USP50: variants seen among roughly 807,000 people sequenced by gnomAD.
The protein encoded by USP50 is ubiquitin specific peptidase 50, also known as ubiquitin carboxyl-terminal hydrolase 50.
Under a neutral mutation model 39.2 loss-of-function variants are expected in USP50, and 37 were observed. The observed-to-expected ratio is 0.94, with a 90% CI of 0.73 to 1.24. The LOEUF (loss-of-function observed/expected upper bound fraction) is 1.24. Among genes scored for constraint, USP50 ranks in the 50% most tolerant of loss-of-function variants. The pLI is 0.00. For synonymous variants in USP50, 139 were observed against 144.5 expected (o/e 0.96, Z 0.27); for missense variants, 374 against 398.2 (o/e 0.94, Z 0.52).
chr15:50,493,787 C>A, downstream of USP50: 1 of 540,720 alleles, frequency 1.8e-6, no homozygotes, highest in South Asian at 1.7e-5. Context: ...AAAGGACAGA[C>A]AGGATGAGAG....
chr15:50,494,052 C>CAACT, exon 2 of USP50: 1 of 1,593,726 alleles, frequency 6.3e-7, no homozygotes, highest in Non-Finnish European at 8.5e-7. Context: ...TCTTTTGTAA[C>CAACT]AACTTTTATT....
downstream of USP50, chr15:50,498,887 A>G (rs1190193576): frequency 1.3e-6 from 2 of 1,568,772 alleles, no homozygotes; most frequent in Non-Finnish European, 1.7e-6. Flanking sequence ...TTTTTTTTCT[A>G]TCTTGTTTGG....
At chr15:50,496,768 T>G, downstream of USP50, 1 of 194,878 alleles carries the variant, frequency 5.1e-6, no homozygotes, top group Non-Finnish European at 1.0e-5. Context: ...GTTTCTTATA[T>G]AAAAGCTTGT....
chr15:50,532,157 T>C (rs1472649725), intron 5 of USP50: 1 of 456,212 alleles, frequency 2.2e-6, no homozygotes, highest in East Asian at 6.9e-5. Flanking sequence ...GGACCACACT[T>C]TGTGAATTTT....
chr15:50,497,617 A>G (rs565162264), downstream of USP50: 2 of 153,382 alleles, frequency 1.3e-5, no homozygotes, highest in African/African-American at 2.4e-5. Context: ...AAGTATTTTA[A>G]TGATAAAATA....
At chr15:50,527,208 T>C (rs898974309) in intron 6 of USP50, among the ~76,000 whole-genome samples, 2 of 152,136 alleles carry the variant, frequency 1.3e-5, no homozygotes, top group African/African-American at 2.4e-5. Flanking sequence ...TGAGATTCTT[T>C]TTTTTCTTTT....
chr15:50,536,719 A>G lies in USP50; in HGVS notation c.803+1990T>C, dbSNP rs2052983381. ...ACATTAGCACCCTCAAAAATGAAAT[A>G]CTTAGTTATAAAATTAACAAAATAT... On this transcript the variant is annotated intron_variant, in intron 5 of 6. Coordinates refer to ENST00000532404, the MANE Select transcript of USP50 (RefSeq NM_203494.5). Among the ~76,000 whole-genome samples, 3 of 152,202 alleles carry G rather than the reference A, an allele frequency of 2.0e-5. No individual in the cohort carries two copies. In the South Asian group the frequency reaches 6.2e-4, roughly 31 times the overall value.
chr15:50,516,161 A>T (rs2052801988), intron 6 of USP50, among the ~76,000 whole-genome samples: 1 of 152,216 alleles, frequency 6.6e-6, no homozygotes, highest in Admixed American at 6.6e-5. Context: ...AAAGGATTCA[A>T]ATCATACCAC....
chr15:50,541,046 T>C lies in USP50; in HGVS notation c.660+3A>G, dbSNP rs2053024796. 2 of 1,611,438 alleles carry C rather than the reference T, an allele frequency of 1.2e-6. No homozygotes were observed. The highest frequency in any genetic ancestry group is 1.1e-5 in the South Asian group (1 of 90,954). ...AAAGTGTCCAGGAATACTGCATTCC[T>C]ACCCGAAGGGAGCATTCATATTTGG... On this transcript the variant is annotated splice_donor_region_variant and intron_variant, in intron 4 of 6. Transcript: ENST00000532404.
At chr15:50,542,071 G>A (rs1045858650) in intron 3 of USP50, among the ~76,000 whole-genome samples, 1 of 151,298 alleles carries the variant, frequency 6.6e-6, no homozygotes, top group African/African-American at 2.4e-5. Context: ...AGATAAGAGA[G>A]CAAATCTTAA....
chr15:50,538,708 C>T lies in USP50; in HGVS notation c.803+1G>A, dbSNP rs2053003062. ...GCCCACAAAAATGTAAAAATCCATA[C>T]CTTTTTAGGTGGAAAATAATTATTT... On this transcript the variant is annotated splice_donor_variant, in intron 5 of 6. Transcript: ENST00000532404. LOFTEE classifies it high-confidence loss of function. 1.3e-6 allele frequency: 2 copies of T among 1,571,310 alleles called. No individual in the cohort carries two copies. Among genetic ancestry groups the T allele is most frequent in the South Asian group, 1.2e-5 (1 of 85,230 alleles).
intron 2 of USP50, 196 bp from the exon 3 acceptor site, chr15:50,543,989 C>T: frequency 1.7e-6 from 1 of 581,434 alleles, no homozygotes; most frequent in South Asian, 2.0e-5. Flanking sequence ...GTGATCATAC[C>T]ACTACTTCAC....
intron 6 of USP50, chr15:50,514,105 AAAC>A (rs2141356104): frequency 6.6e-6 from 1 of 152,370 alleles, no homozygotes; most frequent in African/African-American, 2.4e-5. Flanking sequence ...ATTACAATAT[AAAC>A]AACAATATGG....
At chr15:50,518,958 TCAA>T (rs973257375) in intron 6 of USP50, among the ~76,000 whole-genome samples, 4 of 151,806 alleles carry the variant, frequency 2.6e-5, no homozygotes, top group African/African-American at 9.7e-5. Flanking sequence ...CTCAAACAAC[TCAA>T]CAACAACAAA....
At chr15:50,512,933 A>C (rs2052756318) in intron 6 of USP50, 1 of 152,194 alleles carries the variant, frequency 6.6e-6, no homozygotes, top group African/African-American at 2.4e-5. Context: ...CAAAAACAAA[A>C]AAGTTATTTC....
At chr15:50,536,177 G>T (rs2052978729) in intron 5 of USP50, among the ~76,000 whole-genome samples, 2 of 152,246 alleles carry the variant, frequency 1.3e-5, no homozygotes, top group East Asian at 3.9e-4. Flanking sequence ...AGGGAAGTAA[G>T]AAATAAAACC....
chr15:50,498,051 T>C (rs754481382), downstream of USP50, among the ~76,000 whole-genome samples: 1 of 152,170 alleles, frequency 6.6e-6, no homozygotes, highest in Non-Finnish European at 1.5e-5. Context: ...TGATTACACA[T>C]TTGCTAAAAT....
chr15:50,495,743 A>G, downstream of USP50: 1 of 876,154 alleles, frequency 1.1e-6, no homozygotes, highest in Admixed American at 2.7e-5. Context: ...TATGAGAACT[A>G]CAGGTGTTTC....
At chr15:50,535,161 AC>A (rs2052970290) in intron 5 of USP50, among the ~76,000 whole-genome samples, 2 of 152,064 alleles carry the variant, frequency 1.3e-5, no homozygotes, top group African/African-American at 4.8e-5. Context: ...ACACACACAC[AC>A]ACAAAAATTG....
Sources: gnomAD v4.1 joint callset for allele counts (sites outside exome capture counted in the v4.1 genomes callset) on GRCh38, gnomAD v4.1.1 for gene constraint, MANE v1.5 for transcripts, NCBI Gene and HGNC (gene_info 2026-07-23, HGNC 2026-07-21) for gene names.